The following KCNIP4 variants were observed in gnomAD, a reference collection of about 807,000 sequenced individuals.
KCNIP4 encodes potassium voltage-gated channel interacting protein 4.
A neutral mutation model predicts 34.0 loss-of-function variants in KCNIP4; 12 were observed. The ratio of observed to expected loss-of-function variants is 0.35; its 90% CI spans 0.23 to 0.57. KCNIP4 has a LOEUF of 0.57. KCNIP4 is among the 20% of genes least tolerant of loss of function. KCNIP4 has a pLI of 0.83. For synonymous variants in KCNIP4, 124 were observed against 102.2 expected, an observed-to-expected ratio of 1.21 and a Z score of -1.29; for missense variants, 238 against 311.7, an observed-to-expected ratio of 0.76 and a Z score of 1.78.
chr4:21,777,476 CA>C (rs5856668), intron 1 of KCNIP4, among the ~76,000 whole-genome samples: 88,786 of 151,954 alleles, frequency 0.58, 28,234 homozygotes, highest in Non-Finnish European at 0.73. Flanking sequence ...AAAAATGGGA[CA>C]TTTTTATACC....
intron 1 of KCNIP4, among the ~76,000 whole-genome samples, chr4:21,647,879 T>C (rs1747145227): frequency 7.1e-6 from 1 of 140,612 alleles, no homozygotes; most frequent in Non-Finnish European, 1.5e-5. Context: ...TTTTTTTTTT[T>C]TTTTTTTTTT....
At chr4:21,305,240 T>C (rs115554137) in intron 1 of KCNIP4, among the ~76,000 whole-genome samples, 2,833 of 152,244 alleles carry the variant, frequency 0.019, 78 homozygotes, top group East Asian at 0.056. Context: ...CACTTGGGGT[T>C]GGCTTTTGAG....
chr4:21,727,289 A>T (rs531806978), intron 1 of KCNIP4, among the ~76,000 whole-genome samples: 1 of 152,128 alleles, frequency 6.6e-6, no homozygotes, highest in South Asian at 2.1e-4. Flanking sequence ...ATGTGAGGAC[A>T]TAATCTTCAT....
chr4:21,661,542 G>A (rs533161660), intron 1 of KCNIP4, among the ~76,000 whole-genome samples: 32 of 152,224 alleles, frequency 2.1e-4, no homozygotes, highest in African/African-American at 6.7e-4. Flanking sequence ...CCCACAAGGG[G>A]GTCAGGGAAC....
intron 1 of KCNIP4, among the ~76,000 whole-genome samples, chr4:21,228,077 G>A (rs1329790364): frequency 6.6e-6 from 1 of 152,120 alleles, no homozygotes; most frequent in African/African-American, 2.4e-5. Flanking sequence ...GCATTTTGTT[G>A]TTGTGAATGA....
At chr4:21,643,609 A>G (rs1385274886) in intron 1 of KCNIP4, among the ~76,000 whole-genome samples, 1 of 152,250 alleles carries the variant, frequency 6.6e-6, no homozygotes, top group East Asian at 1.9e-4. Flanking sequence ...AAATCAATGG[A>G]TTTTGAGGAA....
At position 20,749,644 on chromosome 4, in the gene KCNIP4, A is replaced by C. The variant is rs766832653; in HGVS notation, c.429+18T>G. 7 of 1,553,802 alleles carry C rather than the reference A, an allele frequency of 4.5e-6. No homozygotes were observed. The highest frequency in any genetic ancestry group is 6.2e-6 in the Non-Finnish European group (7 of 1,130,628). On this transcript the variant is annotated intron_variant, in intron 5 of 8. Transcript: ENST00000382152. ...AACTCTAAATAGTCAAATGATATGA[A>C]AATAATCCAGAGCTTACCTCGAAAC...
chr4:21,138,917 C>G (rs1230499970), intron 1 of KCNIP4, among the ~76,000 whole-genome samples: 3 of 152,114 alleles, frequency 2.0e-5, no homozygotes, highest in Non-Finnish European at 4.4e-5. Flanking sequence ...GAAAGAAACA[C>G]GGGCCTGCCA....
chr4:21,200,026 C>T (rs918676033), intron 1 of KCNIP4, among the ~76,000 whole-genome samples: 10 of 151,866 alleles, frequency 6.6e-5, no homozygotes, highest in Admixed American at 6.6e-4. Flanking sequence ...GAACATCACA[C>T]ACTGGGGCCT....
At chr4:21,344,108 G>A (rs967002016) in intron 1 of KCNIP4, among the ~76,000 whole-genome samples, 1 of 152,136 alleles carries the variant, frequency 6.6e-6, no homozygotes, top group Non-Finnish European at 1.5e-5. Context: ...CAAGACATGT[G>A]CTGACAAAGG....
intron 1 of KCNIP4, among the ~76,000 whole-genome samples, chr4:21,279,025 T>C (rs1016735944): frequency 1.5e-4 from 23 of 152,092 alleles, no homozygotes; most frequent in African/African-American, 5.6e-4. Flanking sequence ...GAGAGGATAA[T>C]CCTCATGTTC....
rs180995705 is a variant in KCNIP4 at position 21,776,666 on chromosome 4, C to T, written c.61+171905G>A. Among the ~76,000 whole-genome samples, 404 of 152,226 alleles carry T rather than the reference C, an allele frequency of 2.7e-3. 1 individual carries two copies. The highest frequency in any genetic ancestry group is 4.8e-3 in the Non-Finnish European group (326 of 68,014). ...TCATCTTGAATTGTAATCCCATAAT[C>T]CCTAGGTGTTGAGGAAGAAACCAGG... is the stretch of plus-strand genomic sequence containing the variant. On this transcript the variant is annotated intron_variant, in intron 1 of 8. Coordinates refer to ENST00000382152, the MANE Select transcript of KCNIP4 (RefSeq NM_025221.6).
At chr4:21,056,728 A>T (rs1484441234) in intron 1 of KCNIP4, among the ~76,000 whole-genome samples, 1 of 152,256 alleles carries the variant, frequency 6.6e-6, no homozygotes, top group Admixed American at 6.5e-5. Flanking sequence ...AACCCTCTGA[A>T]GGCTGTTTGT....
intron 1 of KCNIP4, among the ~76,000 whole-genome samples, chr4:21,219,184 G>A (rs1452386227): frequency 6.6e-6 from 1 of 152,100 alleles, no homozygotes; most frequent in African/African-American, 2.4e-5. Flanking sequence ...GGTTCTGATG[G>A]GTCCATGTAT....
At chr4:21,075,424 G>T (rs1055840639) in intron 1 of KCNIP4, among the ~76,000 whole-genome samples, 2 of 151,890 alleles carry the variant, frequency 1.3e-5, no homozygotes, top group Non-Finnish European at 2.9e-5. Context: ...ATCTTTGTTG[G>T]TTTAAAGTCT....
intron 1 of KCNIP4, among the ~76,000 whole-genome samples, chr4:21,310,250 G>T (rs1006824526): frequency 8.5e-5 from 13 of 152,144 alleles, no homozygotes; most frequent in Admixed American, 3.9e-4. Context: ...GGGCTAGGCT[G>T]GTCTTGAACT....
intron 1 of KCNIP4, among the ~76,000 whole-genome samples, chr4:21,250,813 T>C (rs915899584): frequency 6.6e-6 from 1 of 151,744 alleles, no homozygotes; most frequent in African/African-American, 2.4e-5. Flanking sequence ...ATTTTCTTTT[T>C]AAATCTTCTC....
chr4:21,349,812 C>T (rs565989657), intron 1 of KCNIP4, among the ~76,000 whole-genome samples: 44 of 152,260 alleles, frequency 2.9e-4, no homozygotes, highest in Admixed American at 7.2e-4. Flanking sequence ...ATGTGGCTAT[C>T]GTCTCTTCAG....
intron 1 of KCNIP4, among the ~76,000 whole-genome samples, chr4:21,538,811 A>C (rs982755249): frequency 1.3e-5 from 2 of 152,158 alleles, no homozygotes; most frequent in Admixed American, 1.3e-4. Context: ...ACGACTGAAA[A>C]CATAAAACTG....
Sources: allele counts gnomAD v4.1 joint callset (sites outside exome capture counted in the v4.1 genomes callset), GRCh38; gene constraint gnomAD v4.1.1; transcripts MANE v1.5; gene names NCBI Gene and HGNC (gene_info 2026-07-23, HGNC 2026-07-21).